Variants in ROR2 observed in about 807,000 individuals in gnomAD.
The protein encoded by ROR2 is ROR family WNT receptor 2.
Under a neutral mutation model 74.9 loss-of-function variants are expected in ROR2, and 33 were observed. That is an observed-to-expected ratio of 0.44 (90% confidence interval 0.33 to 0.59). The LOEUF (loss-of-function observed/expected upper bound fraction) is 0.59, where lower values mean the gene tolerates loss of function less well. Ranked by LOEUF, ROR2 falls within the 20% of genes least tolerant of loss-of-function variation. The probability of loss-of-function intolerance (pLI) is 0.02; values close to 1 mark genes in which losing one functional copy is unlikely to be tolerated. For missense variants in ROR2, 1,216 were observed against 1,313.8 expected (o/e 0.93, Z 1.15); for synonymous variants, 586 against 558.7 (o/e 1.05, Z -0.69).
intron 1 of ROR2, among the ~76,000 whole-genome samples, chr9:91,863,455 TATAG>T (rs556240848): frequency 1.2e-4 from 19 of 152,112 alleles, no homozygotes; most frequent in East Asian, 9.7e-4. Flanking sequence ...CCCCACTGTC[TATAG>T]ATAGATAGAT....
chr9:91,826,706 C>G (rs1828301758), intron 1 of ROR2, among the ~76,000 whole-genome samples: 1 of 151,662 alleles, frequency 6.6e-6, no homozygotes, highest in Admixed American at 6.6e-5. Flanking sequence ...ATGGCGTGAA[C>G]CCGGGAGGCG....
intron 1 of ROR2, among the ~76,000 whole-genome samples, chr9:91,819,734 CTG>C (rs1164447903): frequency 1.3e-5 from 2 of 150,782 alleles, no homozygotes; most frequent in Admixed American, 6.6e-5. Flanking sequence ...GAGTATGTAT[CTG>C]TGTGTCATTC....
chr9:91,949,619 C>T (rs1832113908), intron 1 of ROR2, among the ~76,000 whole-genome samples: 1 of 152,136 alleles, frequency 6.6e-6, no homozygotes, highest in Admixed American at 6.5e-5. Context: ...TCCCAGCCGC[C>T]GCCGCCCGCC....
intron 1 of ROR2, among the ~76,000 whole-genome samples, chr9:91,821,993 TA>T (rs55962255): frequency 0.29 from 44,497 of 151,500 alleles, 6,802 homozygotes; most frequent in Admixed American, 0.45. Flanking sequence ...AAAATATATA[TA>T]TACAAAAAAG....
At chr9:91,915,863 A>G (rs979579248) in intron 1 of ROR2, among the ~76,000 whole-genome samples, 1 of 152,210 alleles carries the variant, frequency 6.6e-6, no homozygotes, top group Admixed American at 6.5e-5. Context: ...TGATTAGTGC[A>G]TTTTACAATC....
In ROR2 at chr9:91,852,607, T is replaced by C. The variant is rs1449461876; in HGVS notation, c.98-76789A>G. On this transcript the variant is annotated intron_variant, in intron 1 of 8. Transcript: ENST00000375708. Reference sequence around the variant, plus strand: ...TCAGTTGAAAGGGCAGAGTTACAAATAAATGGAAAACACACAAACACACAC... The same window carrying C: ...TCAGTTGAAAGGGCAGAGTTACAAACAAATGGAAAACACACAAACACACAC... Among the ~76,000 whole-genome samples, 5 of 109,632 alleles carry C rather than the reference T, an allele frequency of 4.6e-5. No homozygotes were observed. In the East Asian group the frequency reaches 1.3e-3, roughly 29 times the overall value. The allele number at this position is 109,632 out of a possible 152,430, so 71.9% of individuals were successfully genotyped here. A position where few individuals can be genotyped will look rare whatever the true frequency, so the allele number is the denominator to read the frequency against.
intron 1 of ROR2, among the ~76,000 whole-genome samples, chr9:91,803,151 G>A (rs913919702): frequency 1.3e-5 from 2 of 152,144 alleles, no homozygotes; most frequent in African/African-American, 4.8e-5. Flanking sequence ...AAGACGGGGA[G>A]GCAACCCAAG....
chr9:91,909,843 T>TTTG (rs1830916272), intron 1 of ROR2, among the ~76,000 whole-genome samples: 1 of 69,160 alleles, frequency 1.4e-5, no homozygotes, highest in African/African-American at 7.1e-5. Flanking sequence ...TTTAGGTTTG[T>TTTG]TTTGTTTTTT....
chr9:91,790,186 C>T (rs1203595394), intron 1 of ROR2, among the ~76,000 whole-genome samples: 1 of 152,072 alleles, frequency 6.6e-6, no homozygotes, highest in Admixed American at 6.6e-5. Context: ...TAAGCAAACC[C>T]ACTGCTCTAC....
intron 2 of ROR2, among the ~76,000 whole-genome samples, chr9:91,767,797 G>A (rs148780179): frequency 2.0e-5 from 3 of 152,306 alleles, no homozygotes; most frequent in Non-Finnish European, 2.9e-5. Context: ...GGGGACTTGC[G>A]AGATGAAGAA....
intron 1 of ROR2, among the ~76,000 whole-genome samples, chr9:91,895,801 G>A (rs931893665): frequency 6.6e-6 from 1 of 152,146 alleles, no homozygotes; most frequent in South Asian, 2.1e-4. Flanking sequence ...CCGAGATCGC[G>A]CCACTGCACT....
intron 1 of ROR2, among the ~76,000 whole-genome samples, chr9:91,782,628 G>T (rs1826660592): frequency 1.3e-5 from 1 of 78,698 alleles, no homozygotes; most frequent in Non-Finnish European, 2.9e-5. Flanking sequence ...TTTTAAGAAA[G>T]AAGTTGTGTT....
At chr9:91,889,804 T>C (rs1289980189) in intron 1 of ROR2, among the ~76,000 whole-genome samples, 3 of 152,206 alleles carry the variant, frequency 2.0e-5, no homozygotes, top group Non-Finnish European at 2.9e-5. Context: ...CCCGCCTCCT[T>C]GAGGAGCCTT....
chr9:91,926,876 C>T (rs1388822486), intron 1 of ROR2, among the ~76,000 whole-genome samples: 1 of 152,062 alleles, frequency 6.6e-6, no homozygotes, highest in Non-Finnish European at 1.5e-5. Context: ...GGGGAGAGAG[C>T]TTCTGTTTGG....
chr9:91,747,382 G>A (rs1002298955), intron 4 of ROR2, among the ~76,000 whole-genome samples: 1 of 152,254 alleles, frequency 6.6e-6, no homozygotes, highest in Non-Finnish European at 1.5e-5. Flanking sequence ...CGTGTGGACA[G>A]GCCAGGGCAG....
intron 1 of ROR2, among the ~76,000 whole-genome samples, chr9:91,884,062 A>G (rs1830203197): frequency 6.6e-6 from 1 of 152,216 alleles, no homozygotes; most frequent in Non-Finnish European, 1.5e-5. Context: ...CTCAACAAAA[A>G]TGGAGCTGAA....
chr9:91,820,844 G>A (rs746932956), intron 1 of ROR2, among the ~76,000 whole-genome samples: 6 of 152,150 alleles, frequency 3.9e-5, no homozygotes, highest in Non-Finnish European at 7.3e-5. Flanking sequence ...CTCACTCACT[G>A]TAATCCCAGC....
chr9:91,890,100 T>C (rs1185190714), intron 1 of ROR2, among the ~76,000 whole-genome samples: 1 of 152,190 alleles, frequency 6.6e-6, no homozygotes, highest in Non-Finnish European at 1.5e-5. Flanking sequence ...GAGGTGTTCT[T>C]AGGATGGATT....
chr9:91,883,429 C>T (rs1029103543), intron 1 of ROR2: 1 of 152,288 alleles, frequency 6.6e-6, no homozygotes. Flanking sequence ...ATAGATGGAG[C>T]TCTGTAACAG....
Sources: allele counts gnomAD v4.1 joint callset (sites outside exome capture counted in the v4.1 genomes callset), GRCh38; gene constraint gnomAD v4.1.1; transcripts MANE v1.5; gene names NCBI Gene and HGNC (gene_info 2026-07-23, HGNC 2026-07-21).